Variants in CEP85L observed in about 807,000 individuals in gnomAD.
The protein encoded by CEP85L is centrosomal protein 85L, also known as centrosomal protein of 85 kDa-like.
Under a neutral mutation model 100.3 loss-of-function variants are expected in CEP85L, and 60 were observed. The ratio of observed to expected loss-of-function variants is 0.60; its 90% CI spans 0.49 to 0.74. The LOEUF is 0.74. CEP85L is among the 30% of genes least tolerant of loss of function. The pLI is 0.00. For missense variants in CEP85L, 973 were observed against 936.2 expected (o/e 1.04, Z -0.51); for synonymous variants, 319 against 322.7 (o/e 0.99, Z 0.12).
chr6:118,575,645 A>G (rs1289192242), intron 2 of CEP85L, among the ~76,000 whole-genome samples: 1 of 152,188 alleles, frequency 6.6e-6, no homozygotes, highest in Non-Finnish European at 1.5e-5. Context: ...TACCAGATGG[A>G]AGGGAAATGT....
chr6:118,520,308 G>C (rs1046712335), intron 4 of CEP85L, among the ~76,000 whole-genome samples: 1 of 152,046 alleles, frequency 6.6e-6, no homozygotes, highest in Non-Finnish European at 1.5e-5. Context: ...CAATCCTATT[G>C]AATCTACAAA....
At chr6:118,510,692 A>T (rs112849153) in intron 5 of CEP85L, among the ~76,000 whole-genome samples, 2 of 152,182 alleles carry the variant, frequency 1.3e-5, no homozygotes, top group African/African-American at 4.8e-5. Flanking sequence ...CTCAATACCT[A>T]GAAATTTCAC....
chr6:118,666,084 A>G lies in CEP85L; in HGVS notation c.-27-13276T>C, dbSNP rs990552951. 7.2e-5 allele frequency among the ~76,000 whole-genome samples: 11 copies of G among 152,344 alleles called. No individual in the cohort carries two copies. The East Asian group carries it at 1.9e-3, about 27-fold the overall frequency. ...CTCTGGTGCCAAGTAACAACTTAATATTGGATATTAAAACTGTATCCCCAA... is the reference window on the plus strand; with the variant it reads ...CTCTGGTGCCAAGTAACAACTTAATGTTGGATATTAAAACTGTATCCCCAA... On this transcript the variant is annotated intron_variant, in intron 1 of 13. Transcript: ENST00000368488.
At chr6:118,660,424 A>C (rs72958928) in intron 1 of CEP85L, among the ~76,000 whole-genome samples, 2 of 152,132 alleles carry the variant, frequency 1.3e-5, no homozygotes, top group Non-Finnish European at 2.9e-5. Context: ...GAGCTGGGGG[A>C]GTTGGCAGAT....
rs73526105 is a variant in CEP85L at position 118,539,788 on chromosome 6, A to G, written c.1021-15868T>C. On this transcript the variant is annotated intron_variant, in intron 3 of 12. Transcript: ENST00000368491. ...GAAACTACTAAAGGGAGCTATCTTG[A>G]GGGGAGAGGGAGCATGCTTTTACTT... Among the ~76,000 whole-genome samples the G allele has an allele frequency of 5.5e-3, 839 of 152,244 alleles. 8 individuals carry two copies. The highest frequency in any genetic ancestry group is 0.019 in the African/African-American group (798 of 41,544).
chr6:118,483,913 C>T (rs146921757), intron 6 of CEP85L, 55 bp from the exon 7 acceptor site: 4 of 1,509,312 alleles, frequency 2.7e-6, no homozygotes, highest in African/African-American at 1.4e-5. Flanking sequence ...AAAGATATAA[C>T]AAAACCAACA....
At chr6:118,621,814 G>A (rs140781308) in intron 2 of CEP85L, among the ~76,000 whole-genome samples, 59 of 152,218 alleles carry the variant, frequency 3.9e-4, no homozygotes, top group African/African-American at 1.1e-3. Context: ...TGGAATCGCC[G>A]GCTTTTGCCA....
intron 2 of CEP85L, among the ~76,000 whole-genome samples, chr6:118,623,695 T>C (rs1257571145): frequency 6.6e-6 from 1 of 152,204 alleles, no homozygotes; most frequent in Non-Finnish European, 1.5e-5. Flanking sequence ...GCTCAGTCCA[T>C]ATGAAATGCT....
At chr6:118,566,722 C>A (rs929796520) in intron 2 of CEP85L, among the ~76,000 whole-genome samples, 7 of 152,244 alleles carry the variant, frequency 4.6e-5, no homozygotes, top group African/African-American at 1.7e-4. Context: ...CCCAGCCCAG[C>A]ACAAGCTTTT....
At chr6:118,580,961 G>T (rs975282559) in intron 2 of CEP85L, among the ~76,000 whole-genome samples, 1 of 152,080 alleles carries the variant, frequency 6.6e-6, no homozygotes, top group Non-Finnish European at 1.5e-5. Context: ...GCATTTCCAG[G>T]TCTCTCTACC....
At chr6:118,629,394 A>G (rs1040394211) in intron 2 of CEP85L, among the ~76,000 whole-genome samples, 1 of 152,264 alleles carries the variant, frequency 6.6e-6, no homozygotes, top group African/African-American at 2.4e-5. Flanking sequence ...AGACCTCATC[A>G]AAGATGATAT....
At chr6:118,552,373 T>C (rs1778600202) in intron 3 of CEP85L, among the ~76,000 whole-genome samples, 1 of 152,010 alleles carries the variant, frequency 6.6e-6, no homozygotes, top group Admixed American at 6.6e-5. Context: ...ATATACAACA[T>C]CATTAAAGTA....
chr6:118,651,450 GCA>G lies in CEP85L; in HGVS notation c.-183_-182del. On this transcript the variant is annotated 5_prime_UTR_variant, in exon 1 of 13. It introduces an in-frame stop codon into an upstream open reading frame of the 5' UTR. Transcript: ENST00000368491. The stretch of plus-strand genomic sequence containing the variant: ...GGGGAGCGCAGGGGCCAGATTCGCC[GCA>G]CTGCCGGCGCCTGCCATGGCCAAGC... The G allele has an allele frequency of 7.6e-7, 1 of 1,321,134 alleles. No homozygotes were observed. The highest frequency in any genetic ancestry group is 9.6e-7 in the Non-Finnish European group (1 of 1,038,836). The allele number at this position is 1,321,134 out of a possible 1,614,324, so 81.8% of individuals were successfully genotyped here. A position where few individuals can be genotyped will look rare whatever the true frequency, so the allele number is the denominator to read the frequency against.
At chr6:118,613,529 G>A (rs1203340255) in intron 2 of CEP85L, among the ~76,000 whole-genome samples, 2 of 152,128 alleles carry the variant, frequency 1.3e-5, no homozygotes, top group East Asian at 3.9e-4. Flanking sequence ...GGCCAAGGCG[G>A]GTGGATCACC....
chr6:118,514,741 A>G (rs969750255), intron 4 of CEP85L, among the ~76,000 whole-genome samples: 1 of 151,986 alleles, frequency 6.6e-6, no homozygotes. Flanking sequence ...AAAGAGGAAA[A>G]CCTGTGCTAA....
chr6:118,681,120 A>G (rs1776644145), intron 1 of CEP85L, among the ~76,000 whole-genome samples: 1 of 152,250 alleles, frequency 6.6e-6, no homozygotes, highest in Non-Finnish European at 1.5e-5. Flanking sequence ...CCAGCTTTTT[A>G]CCAGTAATTC....
At chr6:118,488,792 T>G (rs1774360645) in intron 6 of CEP85L, among the ~76,000 whole-genome samples, 1 of 152,016 alleles carries the variant, frequency 6.6e-6, no homozygotes, top group Non-Finnish European at 1.5e-5. Flanking sequence ...AAAAAGAGAA[T>G]TCTGAAAGCA....
chr6:118,520,804 A>C (rs547409134), intron 4 of CEP85L, among the ~76,000 whole-genome samples: 6 of 152,326 alleles, frequency 3.9e-5, no homozygotes, highest in African/African-American at 1.2e-4. Flanking sequence ...CAGTCAGTTA[A>C]GGAGATCGAA....
intron 3 of CEP85L, chr6:118,564,897 C>T (rs1779413615): frequency 6.6e-6 from 1 of 152,078 alleles, no homozygotes; most frequent in Non-Finnish European, 1.5e-5. Context: ...ATGCTATTCC[C>T]TAGACCAACT....
Sources: gnomAD v4.1 joint callset for allele counts (sites outside exome capture counted in the v4.1 genomes callset) on GRCh38, gnomAD v4.1.1 for gene constraint, MANE v1.5 for transcripts, NCBI Gene and HGNC (gene_info 2026-07-23, HGNC 2026-07-21) for gene names.